PLEKHD1: variants seen among roughly 807,000 people sequenced by gnomAD.
PLEKHD1 encodes pleckstrin homology domain-containing family D member 1.
A neutral mutation model predicts 69.2 loss-of-function variants in PLEKHD1; 51 were observed. The observed-to-expected ratio is 0.74, with a 90% confidence interval of 0.59 to 0.93. The LOEUF (loss-of-function observed/expected upper bound fraction) is 0.93, where lower values mean the gene tolerates loss of function less well. PLEKHD1 is among the 40% of genes least tolerant of loss of function. The probability of loss-of-function intolerance (pLI) is 0.00; values close to 1 mark genes in which losing one functional copy is unlikely to be tolerated. For missense variants in PLEKHD1, 584 were observed against 641.0 expected, an observed-to-expected ratio of 0.91 and a Z score of 0.96; for synonymous variants, 236 against 244.7, an observed-to-expected ratio of 0.96 and a Z score of 0.33.
Position 69,528,366 on chromosome 14 carries a change from A to G in PLEKHD1, c.1468A>G (p.Ile490Val), listed in dbSNP as rs1415391767. 1.3e-6 allele frequency: 2 copies of G among 1,551,466 alleles called. No homozygotes were observed. The highest frequency in any genetic ancestry group is 3.9e-5 in the Admixed American group (2 of 50,974). Residue 490 changes from isoleucine (I) to valine (V), a missense_variant, in exon 13 of 13, where the codon ATC (isoleucine) becomes GTC (valine). By Grantham distance (29) the Ile-to-Val change is conservative. Transcript: ENST00000322564. ...GCGCTTCCGGGAATCCATCTACCAC[A>G]TCATGGCCACCCAGCCTGGAGCCCC... ...DQRFRESIYHIMATQPGAPSA... is the reference protein window; with the variant it reads ...DQRFRESIYHVMATQPGAPSA...
intron 12 of PLEKHD1, 99 bp from the exon 13 acceptor site, chr14:69,528,151 C>G (rs1883702229): frequency 2.1e-6 from 3 of 1,457,710 alleles, no homozygotes; most frequent in Admixed American, 2.1e-5. Flanking sequence ...AAGCTTGGCA[C>G]ACATAAAGGA....
chr14:69,509,725 G>T (rs1415941355), intron 6 of PLEKHD1, among the ~76,000 whole-genome samples: 8 of 152,084 alleles, frequency 5.3e-5, no homozygotes. Flanking sequence ...ATCACCTGAG[G>T]TCAGGAGTTC....
In PLEKHD1 at chr14:69,515,340, G is replaced by C. The variant is rs541518098; in HGVS notation, c.556-6943G>C. ...AAGTGAGGAGGCCTCCCTAAGATTG[G>C]CCCCCCCTGGAGTTTTAACTCTTCA... On this transcript the variant is annotated intron_variant, in intron 6 of 12. Coordinates refer to ENST00000322564, the MANE Select transcript of PLEKHD1 (RefSeq NM_001161498.2). Among the ~76,000 whole-genome samples the C allele has an allele frequency of 4.8e-3, 737 of 152,090 alleles. 5 individuals carry two copies. Among genetic ancestry groups the C allele is most frequent in the African/African-American group, 0.017 (695 of 41,466 alleles).
intron 6 of PLEKHD1, among the ~76,000 whole-genome samples, chr14:69,514,395 T>G (rs552907559): frequency 4.6e-5 from 7 of 152,270 alleles, no homozygotes; most frequent in African/African-American, 1.7e-4. Flanking sequence ...ACTCTTACAG[T>G]GTTTGTGATC....
chr14:69,524,197 G>A (rs1254625487), intron 7 of PLEKHD1, 32 bp from the exon 8 acceptor site: 4 of 1,497,452 alleles, frequency 2.7e-6, no homozygotes, highest in Non-Finnish European at 2.7e-6. Flanking sequence ...GGGAGAGTGG[G>A]CACTGCCATA....
intron 8 of PLEKHD1, among the ~76,000 whole-genome samples, chr14:69,525,005 AC>A (rs1883610242): frequency 6.6e-6 from 1 of 151,480 alleles, no homozygotes; most frequent in African/African-American, 2.4e-5. Flanking sequence ...TATCATTTCC[AC>A]CTTTTCTCTG....
intron 1 of PLEKHD1, among the ~76,000 whole-genome samples, chr14:69,499,225 G>GCA (rs10551303): frequency 0.017 from 2,465 of 144,374 alleles, 24 homozygotes; most frequent in African/African-American, 0.034. Context: ...TCTCATACGT[G>GCA]CACACACACA....
chr14:69,526,635 C>T, intron 9 of PLEKHD1, 62 bp from the exon 10 acceptor site: 1 of 1,431,950 alleles, frequency 7.0e-7, no homozygotes, highest in Non-Finnish European at 9.2e-7. Context: ...AGGAGCTGTC[C>T]ATCCATTGGC....
chr14:69,476,248 ACT>A, the PLEKHD1 span, among the ~76,000 whole-genome samples: 25 of 109,062 alleles, frequency 2.3e-4, no homozygotes, highest in African/African-American at 9.5e-4. Context: ...ACAGAGTGAG[ACT>A]CTGTCTCAAA....
chr14:69,519,886 G>A (rs143150858), intron 6 of PLEKHD1, among the ~76,000 whole-genome samples: 335 of 152,216 alleles, frequency 2.2e-3, no homozygotes, highest in African/African-American at 7.7e-3. Context: ...GCCTGGCCGC[G>A]CACGGTGGCT....
chr14:69,517,625 G>C (rs368726182), intron 6 of PLEKHD1, among the ~76,000 whole-genome samples: 1 of 152,102 alleles, frequency 6.6e-6, no homozygotes, highest in Admixed American at 6.6e-5. Flanking sequence ...CTTAATAAAC[G>C]ATAGCCACTG....
chr14:69,512,871 G>C (rs1259882177), intron 6 of PLEKHD1, among the ~76,000 whole-genome samples: 3 of 151,596 alleles, frequency 2.0e-5, no homozygotes, highest in African/African-American at 7.3e-5. Context: ...TGGCAAGCCT[G>C]GGCAACACAG....
chr14:69,505,449 A>C (rs544732839), intron 6 of PLEKHD1, among the ~76,000 whole-genome samples: 2 of 152,298 alleles, frequency 1.3e-5, no homozygotes, highest in East Asian at 3.9e-4. Context: ...GTAATGGCCT[A>C]GTGATAAGAT....
intron 6 of PLEKHD1, among the ~76,000 whole-genome samples, chr14:69,516,108 G>T: frequency 6.6e-6 from 1 of 152,222 alleles, no homozygotes. Context: ...ACAGGAGTGA[G>T]CCACTGTGTC....
rs535968873 is a variant in PLEKHD1, at chr14:69,506,474, C to T, written c.555+3595C>T. On this transcript the variant is annotated intron_variant, in intron 6 of 12. Coordinates refer to ENST00000322564, the MANE Select transcript of PLEKHD1 (RefSeq NM_001161498.2). ...CACTCTTATCAGCATTCTCAGGCTA[C>T]ACTTGGACACTGGCTTCCTTTAAGA... Among the ~76,000 whole-genome samples the T allele has an allele frequency of 2.6e-5, 4 of 152,322 alleles. No homozygotes were observed. In the South Asian group the frequency reaches 8.3e-4, roughly 32 times the overall value.
At chr14:69,515,903 A>C (rs750240304) in intron 6 of PLEKHD1, among the ~76,000 whole-genome samples, 3 of 152,248 alleles carry the variant, frequency 2.0e-5, no homozygotes, top group Non-Finnish European at 4.4e-5. Context: ...TATCCAAGCT[A>C]TATTAATCTG....
intron 1 of PLEKHD1, 103 bp from the exon 2 acceptor site, chr14:69,500,012 G>A: frequency 1.4e-6 from 1 of 739,218 alleles, no homozygotes; most frequent in Non-Finnish European, 2.3e-6. Context: ...GTGTCCCTGT[G>A]GGCTCCCATG....
At position 69,526,163 on chromosome 14, in the gene PLEKHD1, G is replaced by A. The variant is rs765325161; in HGVS notation, c.923+41G>A. ...CCCCTGAAGACACCATTGACTTTGG[G>A]GTCTGGGGACTTTCCTCGAACTGGA... On this transcript the variant is annotated intron_variant, in intron 9 of 12. Transcript: ENST00000322564. 51 of 1,503,958 alleles carry A rather than the reference G, an allele frequency of 3.4e-5. No individual in the cohort carries two copies. In the South Asian group the frequency reaches 5.8e-4, roughly 17 times the overall value. The allele number at this position is 1,503,958 out of a possible 1,614,324, so 93.2% of individuals were successfully genotyped here.
In PLEKHD1 at chr14:69,484,942, CG is replaced by C; in HGVS notation, c.-21del. ...GACCCCGGGGAGGTGGGGTCCGGGC[CG>C]GGCACAGCCCCGCTGAGGCAGGATG... is the stretch of plus-strand genomic sequence containing the variant. On this transcript the variant is annotated 5_prime_UTR_variant, in exon 1 of 13. It introduces an in-frame stop codon into an upstream open reading frame of the 5' UTR. Transcript: ENST00000322564. 6.5e-7 allele frequency: 1 copy of C among 1,547,348 alleles called. No individual in the cohort carries two copies. The highest frequency in any genetic ancestry group is 8.7e-7 in the Non-Finnish European group (1 of 1,144,368).
Sources: allele counts gnomAD v4.1 joint callset (sites outside exome capture counted in the v4.1 genomes callset), GRCh38; gene constraint gnomAD v4.1.1; transcripts MANE v1.5; gene names NCBI Gene and HGNC (gene_info 2026-07-23, HGNC 2026-07-21).